The following DEFB121 variants were observed in gnomAD, a reference collection of about 807,000 sequenced individuals.
DEFB121 encodes the protein defensin beta 121.
In DEFB121, 5 loss-of-function variants were observed where a neutral mutation model predicts 2.5. The ratio of observed to expected loss-of-function variants is 1.96; its 90% CI spans 1.03 to 4.13. The LOEUF is 4.13. Ranked by LOEUF, DEFB121 falls within the 30% of genes most tolerant of loss-of-function variation. DEFB121 has a pLI of 0.00. For missense variants in DEFB121, 87 were observed against 85.0 expected (o/e 1.02, Z -0.09); for synonymous variants, 39 against 32.6 (o/e 1.20, Z -0.67).
the DEFB121 span, among the ~76,000 whole-genome samples, chr20:31,417,981 C>T: frequency 2.0e-5 from 3 of 148,142 alleles, no homozygotes; most frequent in Non-Finnish European, 3.0e-5. Context: ...GGGAAAAAGG[C>T]CGGGCGCGGT....
upstream of DEFB121, among the ~76,000 whole-genome samples, chr20:31,408,309 G>A (rs1978552163): frequency 1.3e-5 from 2 of 152,122 alleles, no homozygotes; most frequent in Middle Eastern, 3.4e-3. Flanking sequence ...TTAAATAGCC[G>A]GGCATGGTGG....
chr20:31,404,854 A>T lies in DEFB121; in HGVS notation c.*59T>A, dbSNP rs959500733. 4.4e-6 allele frequency: 7 copies of T among 1,581,456 alleles called. No homozygotes were observed. In the African/African-American group the frequency reaches 9.6e-5, roughly 22 times the overall value. On this transcript the variant is annotated 3_prime_UTR_variant, in exon 2 of 2. Transcript: ENST00000376314. ...AGACAGAAACAGGGTGTTGCCAAGA[A>T]TGATTTAATAGAACTGCAGGATCCC...
the DEFB121 span, among the ~76,000 whole-genome samples, chr20:31,418,259 C>CAAAAAAAA: frequency 0.03 from 2,448 of 82,440 alleles, 175 homozygotes; most frequent in Middle Eastern, 0.053. Flanking sequence ...GACTCCGTCT[C>CAAAAAAAA]AAAAAAAAAA....
chr20:31,407,720 A>G (rs1978527313), upstream of DEFB121, among the ~76,000 whole-genome samples: 1 of 152,240 alleles, frequency 6.6e-6, no homozygotes, highest in African/African-American at 2.4e-5. Context: ...GCCAGCAGAT[A>G]GATCAGGAAA....
chr20:31,405,385 A>C (rs939559334), intron 1 of DEFB121, among the ~76,000 whole-genome samples: 4 of 151,936 alleles, frequency 2.6e-5, no homozygotes, highest in Non-Finnish European at 4.4e-5. Flanking sequence ...CCCTCTCCCA[A>C]GGGTTTTATC....
At chr20:31,415,336 G>C (rs767285508), upstream of DEFB121, among the ~76,000 whole-genome samples, 3 of 147,548 alleles carry the variant, frequency 2.0e-5, no homozygotes, top group African/African-American at 7.6e-5. Context: ...TGTAACGTCC[G>C]CCTCCCAGAT....
chr20:31,407,475 C>T (rs1041230477), upstream of DEFB121, among the ~76,000 whole-genome samples: 6 of 152,166 alleles, frequency 3.9e-5, no homozygotes, highest in East Asian at 9.6e-4. Flanking sequence ...TTCATTTGCC[C>T]TTCTGTGTCT....
At chr20:31,409,778 AT>A (rs1181829243), upstream of DEFB121, among the ~76,000 whole-genome samples, 4 of 152,128 alleles carry the variant, frequency 2.6e-5, no homozygotes, top group Non-Finnish European at 1.5e-5. Context: ...AATAATAAAC[AT>A]TTTTTAAAAG....
Position 31,406,183 on chromosome 20 carries a change from G to T in DEFB121, c.-31C>A, listed in dbSNP as rs754360458. The T allele has an allele frequency of 6.2e-7, 1 of 1,613,450 alleles. No individual in the cohort carries two copies. Among genetic ancestry groups the T allele is most frequent in the African/African-American group, 1.3e-5 (1 of 75,038 alleles). On this transcript the variant is annotated 5_prime_UTR_variant, in exon 1 of 2. Transcript: ENST00000376314. ...ATGAATGATCAGGGAGGGATAGGAG[G>T]CTTCTCAACTGGTAAAACAGACAGA... is the stretch of plus-strand genomic sequence containing the variant.
chr20:31,410,077 A>G (rs999229100), upstream of DEFB121, among the ~76,000 whole-genome samples: 8 of 152,268 alleles, frequency 5.3e-5, no homozygotes, highest in African/African-American at 1.9e-4. Context: ...CTGTGCAAAT[A>G]GTTTTTAAAA....
At chr20:31,408,275 C>T (rs1978550432), upstream of DEFB121, among the ~76,000 whole-genome samples, 1 of 152,004 alleles carries the variant, frequency 6.6e-6, no homozygotes, top group African/African-American at 2.4e-5. Context: ...GAGACTCCAT[C>T]TCTACACACA....
At chr20:31,414,531 G>A (rs1253170727), upstream of DEFB121, among the ~76,000 whole-genome samples, 1 of 152,166 alleles carries the variant, frequency 6.6e-6, no homozygotes, top group Non-Finnish European at 1.5e-5. Context: ...AAAAATAAGG[G>A]AATTCTGCAA....
upstream of DEFB121, among the ~76,000 whole-genome samples, chr20:31,413,793 T>C (rs1978728835): frequency 6.6e-6 from 1 of 152,166 alleles, no homozygotes; most frequent in Non-Finnish European, 1.5e-5. Context: ...AAGCCAGAAT[T>C]ATCCAAACAA....
chr20:31,417,298 T>C (rs1056440238), upstream of DEFB121, among the ~76,000 whole-genome samples: 1 of 151,682 alleles, frequency 6.6e-6, no homozygotes, highest in Non-Finnish European at 1.5e-5. Flanking sequence ...TGAGTGGAGG[T>C]CACACCCCTG....
chr20:31,405,997 C>A (rs896922336), intron 1 of DEFB121, 98 bp downstream of exon 1: 5 of 1,370,492 alleles, frequency 3.6e-6, no homozygotes, highest in African/African-American at 1.4e-5. Flanking sequence ...TGAGCTCTAC[C>A]AGGCCATTCT....
chr20:31,407,921 G>T (rs1600530283), upstream of DEFB121, among the ~76,000 whole-genome samples: 1 of 152,236 alleles, frequency 6.6e-6, no homozygotes, highest in East Asian at 1.9e-4. Flanking sequence ...AGGACTACAG[G>T]CACGCGCCAC....
upstream of DEFB121, among the ~76,000 whole-genome samples, chr20:31,409,899 A>G (rs1362976403): frequency 6.6e-6 from 1 of 152,218 alleles, no homozygotes; most frequent in African/African-American, 2.4e-5. Context: ...AAAACAGATC[A>G]GTGGTTGCCT....
chr20:31,411,686 G>T (rs1384512367), intron 1 of DEFB121, among the ~76,000 whole-genome samples: 2 of 152,210 alleles, frequency 1.3e-5, no homozygotes, highest in Non-Finnish European at 2.9e-5. Context: ...GATGAAGAAA[G>T]GTAGGAGGCA....
chr20:31,405,172 G>T, intron 1 of DEFB121, 87 bp from the exon 2 acceptor site: 1 of 1,330,000 alleles, frequency 7.5e-7, no homozygotes, highest in South Asian at 1.5e-5. Flanking sequence ...CCCAGTAGAG[G>T]AGTAGGAGGG....
Sources: allele counts gnomAD v4.1 joint callset (sites outside exome capture counted in the v4.1 genomes callset), GRCh38; gene constraint gnomAD v4.1.1; transcripts MANE v1.5; gene names NCBI Gene and HGNC (gene_info 2026-07-23, HGNC 2026-07-21).